STAG1: variants seen among roughly 807,000 people sequenced by gnomAD.
The protein encoded by STAG1 is STAG1 cohesin complex component.
In STAG1, 26 loss-of-function variants were observed where a neutral mutation model predicts 170.9. The ratio of observed to expected loss-of-function variants is 0.15; its 90% CI spans 0.11 to 0.21. The LOEUF (loss-of-function observed/expected upper bound fraction) is 0.21. Ranked by LOEUF, STAG1 falls within the 10% of genes least tolerant of loss-of-function variation. The pLI is 1.00. For missense variants in STAG1, 964 were observed against 1,509.5 expected (o/e 0.64, Z 5.99); for synonymous variants, 514 against 497.7 (o/e 1.03, Z -0.44).
At chr3:136,431,006 C>G (rs1411188400) in intron 16 of STAG1, among the ~76,000 whole-genome samples, 2 of 151,916 alleles carry the variant, frequency 1.3e-5, no homozygotes, top group East Asian at 1.9e-4. Context: ...TGGGTTCAAG[C>G]AATTCTCCTG....
intron 8 of STAG1, among the ~76,000 whole-genome samples, chr3:136,501,922 C>CTAT (rs1386405310): frequency 6.6e-6 from 1 of 152,070 alleles, no homozygotes; most frequent in Non-Finnish European, 1.5e-5. Context: ...TGGCTCATGC[C>CTAT]TGTAATCTCA....
At chr3:136,380,375 G>A (rs970047262) in intron 22 of STAG1, among the ~76,000 whole-genome samples, 1 of 151,996 alleles carries the variant, frequency 6.6e-6, no homozygotes, top group African/African-American at 2.4e-5. Flanking sequence ...CTGAGTAGCT[G>A]GGACTACAGG....
rs1436932646 is a variant in STAG1 at position 136,422,424 on chromosome 3, C to T, written c.2023G>A (p.Asp675Asn). ...FVDRFNHSVE[D>N]LLQEGEEADD... ...TTAGAACAGACCTCTTGCAATAGGT[C>T]TTCCACAGAATGATTGAATCGATCT... The change falls in exon 19 of 34, where the codon GAC (aspartate) becomes AAC (asparagine). Residue 675 changes from aspartate (D) to asparagine (N), a missense_variant. Physicochemically the swap from Asp to Asn is conservative, Grantham distance 23. Coordinates refer to ENST00000383202, the MANE Select transcript of STAG1 (RefSeq NM_005862.3). 1 of 1,613,976 alleles carries T rather than the reference C, an allele frequency of 6.2e-7. No individual in the cohort carries two copies. The highest frequency in any genetic ancestry group is 1.7e-5 in the Admixed American group (1 of 60,010).
Position 136,357,712 on chromosome 3 carries a change from C to T in STAG1, c.3065+8G>A, listed in dbSNP as rs771022280. ...TAAAAACCACTTCTCTTGTAATGTGCAACTTACACTGTCTTTTTGTCCTGT... is the reference window on the plus strand; with the variant it reads ...TAAAAACCACTTCTCTTGTAATGTGTAACTTACACTGTCTTTTTGTCCTGT... On this transcript the variant is annotated splice_region_variant and intron_variant, in intron 28 of 33. Transcript: ENST00000383202. 8 of 1,581,384 alleles carry T rather than the reference C, an allele frequency of 5.1e-6. No individual in the cohort carries two copies. In the East Asian group the frequency reaches 1.4e-4, roughly 27 times the overall value.
chr3:136,672,778 A>C (rs572485050), intron 1 of STAG1, among the ~76,000 whole-genome samples: 5 of 152,344 alleles, frequency 3.3e-5, no homozygotes, highest in Admixed American at 1.3e-4. Context: ...GATACAGAGA[A>C]TTCATACAGC....
intron 13 of STAG1, among the ~76,000 whole-genome samples, chr3:136,454,521 G>C (rs1451122769): frequency 6.6e-6 from 1 of 151,464 alleles, no homozygotes; most frequent in Non-Finnish European, 1.5e-5. Flanking sequence ...TAAGATTACA[G>C]GCGTGTGCCA....
chr3:136,568,744 A>T, intron 5 of STAG1, 21 bp downstream of exon 5: 2 of 1,578,376 alleles, frequency 1.3e-6, no homozygotes, highest in Non-Finnish European at 1.7e-6. Context: ...AATGTACATC[A>T]TTTATTTCAA....
At chr3:136,372,114 A>G (rs1163974820) in intron 23 of STAG1, among the ~76,000 whole-genome samples, 1 of 152,134 alleles carries the variant, frequency 6.6e-6, no homozygotes, top group Non-Finnish European at 1.5e-5. Flanking sequence ...TTCTCTTTGA[A>G]GCAATTGTGA....
chr3:136,650,732 C>CAT (rs1941189618), intron 1 of STAG1, among the ~76,000 whole-genome samples: 1 of 151,872 alleles, frequency 6.6e-6, no homozygotes, highest in East Asian at 1.9e-4. Context: ...AAGTATAAAG[C>CAT]TCTTATGATA....
chr3:136,407,903 A>G (rs2087528472), intron 21 of STAG1, among the ~76,000 whole-genome samples: 1 of 152,100 alleles, frequency 6.6e-6, no homozygotes, highest in South Asian at 2.1e-4. Flanking sequence ...CTCCAAAAAA[A>G]AAAAAAAAGC....
chr3:136,613,053 A>G (rs1166465408), intron 3 of STAG1, among the ~76,000 whole-genome samples: 2 of 152,124 alleles, frequency 1.3e-5, no homozygotes, highest in Non-Finnish European at 2.9e-5. Flanking sequence ...CTGTAATCCC[A>G]GCACTTTGGG....
intron 8 of STAG1, 89 bp downstream of exon 8, chr3:136,502,538 AC>A: frequency 7.3e-7 from 1 of 1,361,078 alleles, no homozygotes; most frequent in Non-Finnish European, 1.0e-6. Flanking sequence ...ATACACATAA[AC>A]CTTTTTACAG....
In STAG1 at chr3:136,736,645, G is replaced by A. The variant is rs554416093; in HGVS notation, c.-84+15550C>T. 3.3e-4 allele frequency: 535 copies of A among 1,603,722 alleles called. 4 individuals are homozygous for A. The East Asian group carries it at 7.8e-3, about 23-fold the overall frequency. ...AAGTTTTTCTGCCACTCTCTTTCCC[G>A]TTTGGCTTTTTCTTGAGCTTCAATC... On this transcript the variant is annotated intron_variant, in intron 1 of 33. Transcript: ENST00000383202.
chr3:136,752,050 G>T (rs1250517759), intron 1 of STAG1, 145 bp downstream of exon 1: 1 of 152,354 alleles, frequency 6.6e-6, no homozygotes, highest in South Asian at 1.8e-4. Flanking sequence ...CACGGGGCCC[G>T]CGCCCGGCCC....
chr3:136,486,998 TCA>T (rs1491171257), intron 9 of STAG1, among the ~76,000 whole-genome samples: 8 of 41,346 alleles, frequency 1.9e-4, no homozygotes, highest in Admixed American at 6.5e-4. Flanking sequence ...TTTTATTTCT[TCA>T]AAAAAAAAAA....
In STAG1 at chr3:136,521,282, C is replaced by T. The variant is rs776542765; in HGVS notation, c.607G>A (p.Val203Ile). The change falls in exon 7 of 34, where the codon GTA (valine) becomes ATA (isoleucine). Residue 203 changes from valine to isoleucine, a missense_variant. Val to Ile is a conservative substitution (Grantham distance 29). Coordinates refer to ENST00000383202, the MANE Select transcript of STAG1 (RefSeq NM_005862.3). ...GACAAACCCGTCAAAAGGGAGATTACTGTGTCCATCATATACTCATCATAA... is the reference window on the plus strand; with the variant it reads ...GACAAACCCGTCAAAAGGGAGATTATTGTGTCCATCATATACTCATCATAA... Reference protein sequence around the residue: ...IIYDEYMMDTVISLLTGLSDS... With the variant: ...IIYDEYMMDTIISLLTGLSDS... 3 of 1,613,806 alleles carry T rather than the reference C, an allele frequency of 1.9e-6. No homozygotes were observed. The highest frequency in any genetic ancestry group is 1.7e-6 in the Non-Finnish European group (2 of 1,179,800).
chr3:136,645,934 T>A (rs548450020), intron 1 of STAG1, among the ~76,000 whole-genome samples: 4 of 152,200 alleles, frequency 2.6e-5, no homozygotes, highest in South Asian at 2.1e-4. Context: ...ATAGGCAATG[T>A]CCACTGCAAA....
intron 4 of STAG1, among the ~76,000 whole-genome samples, chr3:136,585,464 C>T (rs1278453466): frequency 2.0e-5 from 3 of 151,748 alleles, no homozygotes; most frequent in African/African-American, 4.8e-5. Context: ...CAAAACATCA[C>T]AAAAATTATC....
In STAG1 at chr3:136,633,962, TAAA is replaced by T. The variant is rs67810422; in HGVS notation, c.-83-2984_-83-2982del. 3.2e-3 allele frequency among the ~76,000 whole-genome samples: 160 copies of T among 50,350 alleles called. 4 individuals are homozygous for T. The highest frequency in any genetic ancestry group is 0.027 in the Middle Eastern group (2 of 74). 33.0% of individuals were successfully genotyped at this position (50,350 alleles called of 152,430 possible). On this transcript the variant is annotated intron_variant, in intron 1 of 33. Transcript: ENST00000383202. Reference sequence around the variant, plus strand: ...AACATGGTGAAACCCTGTCTCTACTTAAAAAAAAAAAAAAAAAAAAAAAAAAAA... The same window carrying T: ...AACATGGTGAAACCCTGTCTCTACTTAAAAAAAAAAAAAAAAAAAAAAAAA...
Sources: gnomAD v4.1 joint callset for allele counts (sites outside exome capture counted in the v4.1 genomes callset) on GRCh38, gnomAD v4.1.1 for gene constraint, MANE v1.5 for transcripts, NCBI Gene and HGNC (gene_info 2026-07-23, HGNC 2026-07-21) for gene names.